Variants in FSTL5 observed in about 807,000 individuals in gnomAD.
The protein encoded by FSTL5 is follistatin-related protein 5.
In FSTL5, 62 loss-of-function variants were observed where a neutral mutation model predicts 89.1. The observed-to-expected ratio is 0.70, with a 90% confidence interval of 0.57 to 0.86. FSTL5 has a LOEUF of 0.86. Ranked by LOEUF, FSTL5 falls within the 40% of genes least tolerant of loss-of-function variation. The pLI is 0.00. For synonymous variants in FSTL5, 383 were observed against 346.2 expected, an observed-to-expected ratio of 1.11 and a Z score of -1.18; for missense variants, 1,057 against 1,001.6, an observed-to-expected ratio of 1.06 and a Z score of -0.75.
chr4:161,548,729 G>A (rs571103072), intron 8 of FSTL5, among the ~76,000 whole-genome samples: 1 of 151,742 alleles, frequency 6.6e-6, no homozygotes, highest in African/African-American at 2.4e-5. Flanking sequence ...GGCATTCCAA[G>A]AACATTATAA....
intron 6 of FSTL5, among the ~76,000 whole-genome samples, chr4:161,754,077 T>A (rs1740493969): frequency 6.7e-6 from 1 of 148,750 alleles, no homozygotes; most frequent in Admixed American, 6.7e-5. Context: ...AACTGTTTCA[T>A]ATAGAGTGAT....
intron 9 of FSTL5, among the ~76,000 whole-genome samples, chr4:161,540,866 T>C (rs1731794862): frequency 6.6e-6 from 1 of 152,174 alleles, no homozygotes; most frequent in African/African-American, 2.4e-5. Flanking sequence ...TATTGAACTT[T>C]CTATGCATTT....
At chr4:161,620,461 C>A (rs1317193781) in intron 7 of FSTL5, among the ~76,000 whole-genome samples, 1 of 152,232 alleles carries the variant, frequency 6.6e-6, no homozygotes, top group African/African-American at 2.4e-5. Context: ...TTGAAACCAA[C>A]CTGACCACTA....
chr4:161,702,805 C>T (rs1437504972), intron 6 of FSTL5, among the ~76,000 whole-genome samples: 1 of 152,078 alleles, frequency 6.6e-6, no homozygotes, highest in African/African-American at 2.4e-5. Flanking sequence ...AGCTGAGCTC[C>T]ACTTCCCCTC....
At chr4:161,893,867 T>C (rs1733067378) in intron 4 of FSTL5, among the ~76,000 whole-genome samples, 1 of 152,178 alleles carries the variant, frequency 6.6e-6, no homozygotes, top group East Asian at 1.9e-4. Context: ...CCCTAAAGAT[T>C]CAATATCCTG....
intron 1 of FSTL5, among the ~76,000 whole-genome samples, chr4:162,114,890 T>C (rs1321461485): frequency 6.6e-6 from 1 of 152,160 alleles, no homozygotes; most frequent in Non-Finnish European, 1.5e-5. Context: ...TCCTAAGATT[T>C]CCAAGTCCCA....
intron 8 of FSTL5, among the ~76,000 whole-genome samples, chr4:161,555,602 C>T (rs969880873): frequency 4.0e-5 from 6 of 151,420 alleles, no homozygotes; most frequent in African/African-American, 1.2e-4. Flanking sequence ...AAAATTTGAA[C>T]GCATCTCTAA....
At chr4:161,900,783 G>T (rs557456456) in intron 4 of FSTL5, among the ~76,000 whole-genome samples, 1 of 151,830 alleles carries the variant, frequency 6.6e-6, no homozygotes, top group Admixed American at 6.6e-5. Flanking sequence ...AATAGTAGAA[G>T]GGTGGTACTT....
At chr4:161,453,045 A>G (rs1733227808) in intron 15 of FSTL5, among the ~76,000 whole-genome samples, 3 of 152,174 alleles carry the variant, frequency 2.0e-5, no homozygotes, top group Non-Finnish European at 1.5e-5. Context: ...ATATCTACAA[A>G]CACAGAATTA....
chr4:162,081,041 T>TC (rs1177316259), intron 2 of FSTL5, among the ~76,000 whole-genome samples: 2 of 151,658 alleles, frequency 1.3e-5, no homozygotes, highest in Non-Finnish European at 3.0e-5. Flanking sequence ...AATAGACCAT[T>TC]CAGTTAACTA....
intron 15 of FSTL5, among the ~76,000 whole-genome samples, chr4:161,401,812 CCACCG>C (rs2041518043): frequency 6.6e-6 from 1 of 152,168 alleles, no homozygotes; most frequent in Non-Finnish European, 1.5e-5. Flanking sequence ...CAGGCATGAG[CCACCG>C]CACCCAGCCT....
At position 161,533,279 on chromosome 4, in the gene FSTL5, A is replaced by G. The variant is rs1287162795; in HGVS notation, c.1312+4887T>C. On this transcript the variant is annotated intron_variant, in intron 10 of 15. Coordinates refer to ENST00000306100, the MANE Select transcript of FSTL5 (RefSeq NM_020116.5). ...AAAAGTCCTTACAAAAGATTAATAA[A>G]GCAAGAGTTTGTTTTTTAAAAGAAT... is the stretch of plus-strand genomic sequence containing the variant. 1.3e-5 allele frequency among the ~76,000 whole-genome samples: 2 copies of G among 152,048 alleles called. 1 individual carries two copies. Among genetic ancestry groups the G allele is most frequent in the Non-Finnish European group, 2.9e-5 (2 of 67,998 alleles).
intron 6 of FSTL5, among the ~76,000 whole-genome samples, chr4:161,721,308 A>ATT (rs368706598): frequency 1.5e-4 from 21 of 137,884 alleles, no homozygotes; most frequent in African/African-American, 5.5e-4. Context: ...AAAAAAAAAA[A>ATT]TTTTTCTAAG....
At position 161,920,494 on chromosome 4, in the gene FSTL5, A is replaced by C. The variant is rs1018842758; in HGVS notation, c.319T>G (p.Phe107Val). Residue 107 changes from phenylalanine (F) to valine (V), a missense_variant, in exon 4 of 16, where the codon TTC becomes GTC. This residue lies in a region of FSTL5 where 980 missense variants were observed against 903.2 expected (regional missense o/e 1.08). Transcript: ENST00000306100. ...TGCACTTCACAGTGGTTTTCATAGAATTCTCCGTCAGATCCACACACAGGT... is the reference window on the plus strand; with the variant it reads ...TGCACTTCACAGTGGTTTTCATAGACTTCTCCGTCAGATCCACACACAGGT... ...YKPVCGSDGE[F>V]YENHCEVHRA... 3 of 1,613,188 alleles carry C rather than the reference A, an allele frequency of 1.9e-6. No individual in the cohort carries two copies. Among genetic ancestry groups the C allele is most frequent in the Non-Finnish European group, 2.5e-6 (3 of 1,179,752 alleles).
At chr4:161,582,405 G>A (rs112463575) in intron 8 of FSTL5, among the ~76,000 whole-genome samples, 5 of 152,008 alleles carry the variant, frequency 3.3e-5, no homozygotes, top group African/African-American at 4.8e-5. Flanking sequence ...GCATTTTCTC[G>A]CATTTTTGTT....
intron 10 of FSTL5, among the ~76,000 whole-genome samples, chr4:161,533,380 G>A (rs923378762): frequency 6.6e-6 from 1 of 151,926 alleles, no homozygotes; most frequent in Admixed American, 6.6e-5. Context: ...ATCAGAAATG[G>A]CAAAGATGAC....
chr4:161,713,984 G>C (rs918363565), intron 6 of FSTL5, among the ~76,000 whole-genome samples: 1 of 151,964 alleles, frequency 6.6e-6, no homozygotes, highest in Admixed American at 6.6e-5. Flanking sequence ...TGTGAAACCT[G>C]TGCTTCCACT....
intron 2 of FSTL5, among the ~76,000 whole-genome samples, chr4:162,097,684 A>C (rs919402877): frequency 2.0e-5 from 3 of 151,956 alleles, no homozygotes; most frequent in African/African-American, 7.2e-5. Flanking sequence ...TCACAAAAGA[A>C]AATTTATAAA....
chr4:161,407,374 A>G (rs993690213), intron 15 of FSTL5, among the ~76,000 whole-genome samples: 1 of 152,190 alleles, frequency 6.6e-6, no homozygotes, highest in Admixed American at 6.5e-5. Flanking sequence ...CTTTAAAGAG[A>G]GAAAACTGAA....
Sources: allele counts gnomAD v4.1 joint callset (sites outside exome capture counted in the v4.1 genomes callset), GRCh38; gene constraint gnomAD v4.1.1; regional missense constraint gnomAD v4.1.1; transcripts MANE v1.5; gene names NCBI Gene and HGNC (gene_info 2026-07-23, HGNC 2026-07-21).